The following AGBL3 variants were observed in gnomAD, a reference collection of about 807,000 sequenced individuals.
The protein encoded by AGBL3 is cytosolic carboxypeptidase 3.
A neutral mutation model predicts 94.5 loss-of-function variants in AGBL3; 68 were observed. The observed-to-expected ratio is 0.72, with a 90% CI of 0.59 to 0.88. AGBL3 has a LOEUF of 0.88. Among genes scored for constraint, AGBL3 ranks in the 40% least tolerant of loss-of-function variants. The pLI is 0.00. For synonymous variants in AGBL3, 354 were observed against 370.7 expected, an observed-to-expected ratio of 0.95 and a Z score of 0.52; for missense variants, 934 against 1,103.8, an observed-to-expected ratio of 0.85 and a Z score of 2.18.
chr7:135,086,025 T>C (rs924213218), intron 15 of AGBL3, among the ~76,000 whole-genome samples: 3 of 152,060 alleles, frequency 2.0e-5, no homozygotes, highest in Non-Finnish European at 4.4e-5. Context: ...CAGTGTTGTA[T>C]AGTTTTCCTT....
chr7:135,103,503 T>C (rs1453783283), intron 15 of AGBL3, among the ~76,000 whole-genome samples: 1 of 152,196 alleles, frequency 6.6e-6, no homozygotes, highest in Non-Finnish European at 1.5e-5. Flanking sequence ...GAAAGATTTT[T>C]AAAAATCAGC....
Position 134,987,730 on chromosome 7 carries a change from T to C in AGBL3, c.-59-145T>C. 1.1e-5 allele frequency: 5 copies of C among 461,140 alleles called. No homozygotes were observed. In the South Asian group the frequency reaches 1.6e-4, roughly 15 times the overall value. The allele number at this position is 461,140 out of a possible 1,614,324, so 28.6% of individuals were successfully genotyped here. A position where few individuals can be genotyped will look rare whatever the true frequency, so the allele number is the denominator to read the frequency against. On this transcript the variant is annotated intron_variant, in intron 1 of 16. Coordinates refer to ENST00000436302, the MANE Select transcript of AGBL3 (RefSeq NM_178563.4). ...GAAAATTCCTTTAACTCTTTGAAAT[T>C]GAAGGTTTTATTAGTTGTATTCTAA...
At chr7:135,101,191 G>C (rs1177352832) in intron 15 of AGBL3, 1 of 456,200 alleles carries the variant, frequency 2.2e-6, no homozygotes, top group South Asian at 1.5e-5. Context: ...GATTTGTATG[G>C]AAACTGTTTC....
At chr7:135,000,609 G>A (rs62480987) in intron 4 of AGBL3, among the ~76,000 whole-genome samples, 8,558 of 152,164 alleles carry the variant, frequency 0.056, 321 homozygotes, top group Middle Eastern at 0.18. Context: ...ATGTATATAC[G>A]CATATGTGTA....
intron 2 of AGBL3, 56 bp from the exon 3 acceptor site, chr7:134,989,194 T>C: frequency 2.3e-6 from 3 of 1,309,568 alleles, no homozygotes; most frequent in Middle Eastern, 2.1e-4. Flanking sequence ...AAAAAAATTC[T>C]GGATTTGAAA....
intron 5 of AGBL3, among the ~76,000 whole-genome samples, chr7:135,025,278 C>A (rs942331268): frequency 2.0e-5 from 3 of 151,542 alleles, no homozygotes; most frequent in Non-Finnish European, 4.4e-5. Flanking sequence ...AACCTTTCAG[C>A]AGAAACCTTA....
At chr7:135,038,607 T>C (rs536007299) in intron 8 of AGBL3, among the ~76,000 whole-genome samples, 29 of 152,212 alleles carry the variant, frequency 1.9e-4, no homozygotes, top group Non-Finnish European at 4.0e-4. Flanking sequence ...CCACATCATC[T>C]AAAGGTTGCT....
chr7:135,112,395 A>G (rs1371287924), intron 15 of AGBL3, among the ~76,000 whole-genome samples: 1 of 152,200 alleles, frequency 6.6e-6, no homozygotes, highest in East Asian at 1.9e-4. Context: ...GAGGATCTCA[A>G]AAGTGTTATT....
intron 11 of AGBL3, among the ~76,000 whole-genome samples, chr7:135,057,804 T>G (rs979648477): frequency 6.6e-6 from 1 of 152,206 alleles, no homozygotes; most frequent in African/African-American, 2.4e-5. Flanking sequence ...TAAAATGAGC[T>G]ATCAAACCAT....
In AGBL3 at chr7:134,993,613, G is replaced by T. The variant is rs1040398992; in HGVS notation, c.245G>T (p.Gly82Val). 2.6e-6 allele frequency: 4 copies of T among 1,552,004 alleles called. No individual in the cohort carries two copies. The highest frequency in any genetic ancestry group is 1.2e-5 in the South Asian group (1 of 84,058). The change falls in exon 4 of 17, where the codon GGT becomes GTT. Residue 82 changes from glycine (G) to valine (V), a missense_variant. Around this residue, in one of 3 missense-constraint regions of AGBL3, gnomAD observed 488 missense variants for 563.6 expected, o/e 0.87. Coordinates refer to ENST00000436302, the MANE Select transcript of AGBL3 (RefSeq NM_178563.4). ...GATTTATATGGTGTCTCTTCTTCTG[G>T]TCCATTGAGCCCAACACGGTGGCCA... is the stretch of plus-strand genomic sequence containing the variant. ...PRDLYGVSSS[G>V]PLSPTRWPYH...
rs141189408 is a variant in AGBL3 at position 135,047,951 on chromosome 7, G to A, written c.1841+2040G>A. ...CTATGAAATCTTTGCAGAGATCAGC[G>A]CCATGGAGCTTTTCCCCTACATTTC... On this transcript the variant is annotated intron_variant, in intron 11 of 16. Coordinates refer to ENST00000436302, the MANE Select transcript of AGBL3 (RefSeq NM_178563.4). 2.3e-4 allele frequency among the ~76,000 whole-genome samples: 35 copies of A among 151,924 alleles called. No individual in the cohort carries two copies. In the East Asian group the frequency reaches 3.1e-3, roughly 13 times the overall value.
intron 6 of AGBL3, 84 bp from the exon 7 acceptor site, chr7:135,034,065 A>G (rs1399981426): frequency 8.4e-7 from 1 of 1,194,660 alleles, no homozygotes; most frequent in Non-Finnish European, 1.1e-6. Context: ...TTCCTTATTT[A>G]ACTCAAAATT....
intron 2 of AGBL3, 186 bp downstream of exon 2, chr7:134,988,182 A>G (rs1023153862): frequency 2.3e-6 from 1 of 431,420 alleles, no homozygotes; most frequent in African/African-American, 2.1e-5. Context: ...CCCTGTCTAG[A>G]AAGAGAAACT....
intron 15 of AGBL3, among the ~76,000 whole-genome samples, chr7:135,082,638 G>T (rs141793788): frequency 1.3e-5 from 2 of 151,850 alleles, no homozygotes; most frequent in Non-Finnish European, 2.9e-5. Flanking sequence ...AACCTTTAAC[G>T]TTTTATTTTC....
chr7:135,124,907 A>AG (rs1297043551), intron 16 of AGBL3, among the ~76,000 whole-genome samples: 3 of 152,188 alleles, frequency 2.0e-5, no homozygotes, highest in African/African-American at 7.2e-5. Context: ...CATTGTGTTA[A>AG]GGGGGAAATT....
At chr7:135,095,631 A>G (rs1331878548) in intron 15 of AGBL3, among the ~76,000 whole-genome samples, 1 of 152,226 alleles carries the variant, frequency 6.6e-6, no homozygotes, top group Non-Finnish European at 1.5e-5. Flanking sequence ...CTTTGCTTTC[A>G]GTTCCCCAAA....
chr7:134,994,132 GA>G (rs1411853389), intron 4 of AGBL3, among the ~76,000 whole-genome samples: 2 of 152,224 alleles, frequency 1.3e-5, no homozygotes, highest in Non-Finnish European at 2.9e-5. Context: ...TGAAGTCACA[GA>G]TGGAGGCTAT....
intron 15 of AGBL3, among the ~76,000 whole-genome samples, chr7:135,110,183 G>C (rs1825412523): frequency 6.6e-6 from 1 of 152,102 alleles, no homozygotes. Flanking sequence ...TGGGAGCTCT[G>C]TCTCAGGGAG....
Position 135,034,614 on chromosome 7 carries a change from A to C in AGBL3, c.1023A>C (p.Thr341=), listed in dbSNP as rs1283478018. Residue 341 remains threonine (T), a synonymous_variant, in exon 7 of 17, where the codon ACA becomes ACC. Transcript: ENST00000436302. The part of the protein sequence containing the change: ...TLARNMVYIL[T]ITTPLKNSDS... Reference sequence around the variant, plus strand: ...CTAGGAACATGGTGTATATTTTAACAATCACTACCCCCTTGAAGAACTCTG... The same window carrying C: ...CTAGGAACATGGTGTATATTTTAACCATCACTACCCCCTTGAAGAACTCTG... The C allele has an allele frequency of 2.6e-6, 4 of 1,551,584 alleles. No homozygotes were observed. The South Asian group carries it at 3.6e-5, about 14-fold the overall frequency.
Sources: allele counts gnomAD v4.1 joint callset (sites outside exome capture counted in the v4.1 genomes callset), GRCh38; gene constraint gnomAD v4.1.1; regional missense constraint gnomAD v4.1.1; transcripts MANE v1.5; gene names NCBI Gene and HGNC (gene_info 2026-07-23, HGNC 2026-07-21).